UNC13C: variants seen among roughly 807,000 people sequenced by gnomAD.
The protein encoded by UNC13C is protein unc-13 homolog C.
In UNC13C, 174 loss-of-function variants were observed where a neutral mutation model predicts 245.4. That is an observed-to-expected ratio of 0.71 (90% CI 0.63 to 0.80). UNC13C has a LOEUF of 0.80. Among genes scored for constraint, UNC13C ranks in the 30% least tolerant of loss-of-function variants. The pLI is 0.00. For missense variants in UNC13C, 2,829 were observed against 2,602.9 expected, an observed-to-expected ratio of 1.09 and a Z score of -1.89; for synonymous variants, 992 against 895.1, an observed-to-expected ratio of 1.11 and a Z score of -1.93.
At chr15:54,589,090 C>T (rs1013121768) in intron 30 of UNC13C, among the ~76,000 whole-genome samples, 2 of 152,068 alleles carry the variant, frequency 1.3e-5, no homozygotes, top group Admixed American at 1.3e-4. Context: ...TACTAGTTTA[C>T]ATTCCCACCA....
chr15:54,534,801 A>T (rs1895918588), intron 26 of UNC13C, among the ~76,000 whole-genome samples: 1 of 152,188 alleles, frequency 6.6e-6, no homozygotes, highest in African/African-American at 2.4e-5. Context: ...CAGTCTTAGT[A>T]TCCAAGCTAA....
chr15:54,135,526 C>A (rs2031683409), intron 2 of UNC13C, among the ~76,000 whole-genome samples: 1 of 152,112 alleles, frequency 6.6e-6, no homozygotes. Context: ...GTGGATATCT[C>A]ATTTTTCCAA....
At chr15:54,359,296 C>T (rs1235345507) in intron 17 of UNC13C, among the ~76,000 whole-genome samples, 2 of 151,702 alleles carry the variant, frequency 1.3e-5, no homozygotes, top group African/African-American at 2.4e-5. Flanking sequence ...TTTGTTGTAT[C>T]ATTGTCCGGT....
At chr15:54,599,419 T>G (rs959541091) in intron 30 of UNC13C, among the ~76,000 whole-genome samples, 3 of 152,136 alleles carry the variant, frequency 2.0e-5, no homozygotes, top group Admixed American at 2.0e-4. Flanking sequence ...TGTACAAGCC[T>G]GCAGTGTAAT....
chr15:54,493,939 T>C (rs574192279), intron 19 of UNC13C, among the ~76,000 whole-genome samples: 1 of 152,144 alleles, frequency 6.6e-6, no homozygotes, highest in East Asian at 1.9e-4. Context: ...TAAGAATGTA[T>C]CAAAAAAGCC....
intron 10 of UNC13C, among the ~76,000 whole-genome samples, chr15:54,268,975 T>C (rs2036616513): frequency 6.6e-6 from 1 of 152,012 alleles, no homozygotes; most frequent in Admixed American, 6.6e-5. Flanking sequence ...GCCTTGGTCT[T>C]CCCCAACTTT....
At chr15:54,574,569 C>T (rs1208123309) in intron 30 of UNC13C, among the ~76,000 whole-genome samples, 3 of 152,130 alleles carry the variant, frequency 2.0e-5, no homozygotes, top group South Asian at 4.1e-4. Flanking sequence ...AATTGCTGAG[C>T]CATCCTCTGT....
At chr15:54,312,616 T>G (rs914997614) in intron 13 of UNC13C, among the ~76,000 whole-genome samples, 1 of 151,760 alleles carries the variant, frequency 6.6e-6, no homozygotes, top group Non-Finnish European at 1.5e-5. Context: ...TCATTCCCTA[T>G]TGTACAGGCA....
At chr15:53,853,143 A>G in the UNC13C span, among the ~76,000 whole-genome samples, 1 of 152,066 alleles carries the variant, frequency 6.6e-6, no homozygotes, top group Non-Finnish European at 1.5e-5. Context: ...CCCAGCATCC[A>G]TTAACTATTC....
At chr15:53,936,993 C>A in the UNC13C span, among the ~76,000 whole-genome samples, 1 of 152,154 alleles carries the variant, frequency 6.6e-6, no homozygotes, top group African/African-American at 2.4e-5. Flanking sequence ...ATGACTGCAA[C>A]ACCTCTCCAG....
chr15:54,129,376 A>G (rs887266629), intron 2 of UNC13C, among the ~76,000 whole-genome samples: 1 of 152,206 alleles, frequency 6.6e-6, no homozygotes, highest in African/African-American at 2.4e-5. Flanking sequence ...TATCAAGCTT[A>G]TACTAGCCTT....
chr15:53,851,307 G>C, the UNC13C span, among the ~76,000 whole-genome samples: 7 of 152,096 alleles, frequency 4.6e-5, no homozygotes, highest in African/African-American at 1.7e-4. Flanking sequence ...GGGAGACAGT[G>C]AGGTTAACTC....
rs545418585 is a variant in UNC13C at position 54,217,884 on chromosome 15, A to G, written c.3072-17146A>G. ...GGCTTCCATCTTGCTCTTTCCAGGC[A>G]TCATTTCTGGGACAAAAATCTAAAT... On this transcript the variant is annotated intron_variant, in intron 4 of 32. Transcript: ENST00000260323. Among the ~76,000 whole-genome samples the G allele has an allele frequency of 7.2e-5, 11 of 151,978 alleles. No individual in the cohort carries two copies. The South Asian group carries it at 1.4e-3, about 20-fold the overall frequency.
chr15:54,302,136 T>C (rs2037601578), intron 13 of UNC13C, among the ~76,000 whole-genome samples: 1 of 152,198 alleles, frequency 6.6e-6, no homozygotes, highest in South Asian at 2.1e-4. Flanking sequence ...GTAATGGGGC[T>C]GTTTGTTTTT....
At chr15:54,051,007 T>C (rs904733931) in intron 2 of UNC13C, 23 of 428,542 alleles carry the variant, frequency 5.4e-5, no homozygotes, top group Admixed American at 6.0e-5. Flanking sequence ...CTGGTCACCA[T>C]AGTGACTTCT....
chr15:54,616,358 G>A (rs1367983137), intron 30 of UNC13C, among the ~76,000 whole-genome samples: 1 of 151,484 alleles, frequency 6.6e-6, no homozygotes, highest in Non-Finnish European at 1.5e-5. Context: ...TTTCAACAGT[G>A]GTCCCATAAG....
chr15:53,970,722 GGATACTGGGCTTAATACTTA>G, the UNC13C span, among the ~76,000 whole-genome samples: 2 of 152,074 alleles, frequency 1.3e-5, no homozygotes, highest in Non-Finnish European at 2.9e-5. Flanking sequence ...AAAAGCTGAG[GGATACTGGGCTTAATACTTA>G]CGTGTTGCGT....
intron 30 of UNC13C, among the ~76,000 whole-genome samples, chr15:54,601,256 G>T (rs1899401083): frequency 6.6e-6 from 1 of 152,258 alleles, no homozygotes; most frequent in Non-Finnish European, 1.5e-5. Context: ...GAACTCTTTG[G>T]GATGCCGCAG....
chr15:54,015,069 A>G lies in UNC13C; in HGVS notation c.2166A>G (p.Pro722=). 6.2e-7 allele frequency: 1 copy of G among 1,612,924 alleles called. No individual in the cohort carries two copies. Among genetic ancestry groups the G allele is most frequent in the Non-Finnish European group, 8.5e-7 (1 of 1,179,462 alleles). The part of the protein sequence containing the change: ...YDLTQDDNSS[P]CPGLDNEPQG... ...TAACTCAAGATGACAATTCTTCTCC[A>G]TGCCCTGGCTTGGATAATGAACCAC... The change falls in exon 2 of 33, where the codon CCA becomes CCG. Residue 722 remains proline, a synonymous_variant. Coordinates refer to ENST00000260323, the MANE Select transcript of UNC13C (RefSeq NM_001080534.3).
Sources: gnomAD v4.1 joint callset for allele counts (sites outside exome capture counted in the v4.1 genomes callset) on GRCh38, gnomAD v4.1.1 for gene constraint, MANE v1.5 for transcripts, NCBI Gene and HGNC (gene_info 2026-07-23, HGNC 2026-07-21) for gene names.